The following AGBL4 variants were observed in gnomAD, a reference collection of about 807,000 sequenced individuals.
The protein encoded by AGBL4 is AGBL carboxypeptidase 4.
In AGBL4, 58 loss-of-function variants were observed where a neutral mutation model predicts 66.4. The observed-to-expected ratio is 0.87, with a 90% CI of 0.71 to 1.09. The LOEUF (loss-of-function observed/expected upper bound fraction) is 1.09, where lower values mean the gene tolerates loss of function less well. Among genes scored for constraint, AGBL4 ranks in the 50% least tolerant of loss-of-function variants. AGBL4 has a pLI of 0.00. For missense variants in AGBL4, 579 were observed against 631.0 expected (o/e 0.92, Z 0.88); for synonymous variants, 234 against 222.9 (o/e 1.05, Z -0.44).
At chr1:48,801,078 A>AGG (rs1645795433) in intron 6 of AGBL4, among the ~76,000 whole-genome samples, 1 of 152,098 alleles carries the variant, frequency 6.6e-6, no homozygotes, top group South Asian at 2.1e-4. Flanking sequence ...TGCATCATAC[A>AGG]GGTTTCCAGG....
chr1:49,639,399 G>T (rs559354974), intron 3 of AGBL4, among the ~76,000 whole-genome samples: 1 of 152,096 alleles, frequency 6.6e-6, no homozygotes, highest in Admixed American at 6.6e-5. Flanking sequence ...ACTTGATAAG[G>T]GAAATAGAAA....
chr1:48,921,121 A>G (rs72895624), intron 5 of AGBL4, among the ~76,000 whole-genome samples: 16,014 of 152,242 alleles, frequency 0.11, 945 homozygotes, highest in African/African-American at 0.12. Flanking sequence ...ATCAATTTAC[A>G]GCGAGATGAC....
intron 3 of AGBL4, among the ~76,000 whole-genome samples, chr1:49,377,997 TGTCTCCC>T (rs1222473944): frequency 6.9e-6 from 1 of 145,246 alleles, no homozygotes; most frequent in African/African-American, 2.8e-5. Flanking sequence ...CTTCATGCCT[TGTCTCCC>T]AACACAAACT....
chr1:49,985,074 T>C (rs964330242), intron 1 of AGBL4, among the ~76,000 whole-genome samples: 1 of 152,076 alleles, frequency 6.6e-6, no homozygotes, highest in African/African-American at 2.4e-5. Context: ...TTGGGAGAAA[T>C]ATGTTATAGA....
At chr1:49,921,091 G>A (rs919894464) in intron 1 of AGBL4, among the ~76,000 whole-genome samples, 1 of 152,144 alleles carries the variant, frequency 6.6e-6, no homozygotes, top group African/African-American at 2.4e-5. Context: ...GGCCTGTCGT[G>A]GGGTGGGAGT....
intron 3 of AGBL4, among the ~76,000 whole-genome samples, chr1:49,692,546 G>A (rs1453331357): frequency 2.0e-5 from 3 of 151,972 alleles, no homozygotes; most frequent in South Asian, 2.1e-4. Context: ...GTGAAACCCC[G>A]ACTCTACTAA....
intron 1 of AGBL4, among the ~76,000 whole-genome samples, chr1:49,980,882 T>A (rs1198675252): frequency 2.6e-5 from 4 of 152,244 alleles, no homozygotes; most frequent in Non-Finnish European, 5.9e-5. Flanking sequence ...GCATATTAAC[T>A]GCTCAAAGAT....
At chr1:49,814,655 A>T (rs1645187616) in intron 2 of AGBL4, among the ~76,000 whole-genome samples, 1 of 152,140 alleles carries the variant, frequency 6.6e-6, no homozygotes, top group African/African-American at 2.4e-5. Context: ...TGTCAAGTAT[A>T]TCTTTTCCTG....
chr1:49,306,463 T>C (rs1273937424), intron 3 of AGBL4, among the ~76,000 whole-genome samples: 1 of 152,238 alleles, frequency 6.6e-6, no homozygotes, highest in Non-Finnish European at 1.5e-5. Context: ...TTATTCTTTC[T>C]CTTCAATAAG....
intron 4 of AGBL4, among the ~76,000 whole-genome samples, chr1:49,136,275 G>T (rs904875181): frequency 2.0e-5 from 3 of 152,102 alleles, no homozygotes; most frequent in African/African-American, 7.2e-5. Flanking sequence ...CTAGGTGCTG[G>T]TCATTTCACT....
chr1:48,788,569 A>G (rs1275670339), intron 6 of AGBL4, among the ~76,000 whole-genome samples: 2 of 152,226 alleles, frequency 1.3e-5, no homozygotes, highest in Non-Finnish European at 2.9e-5. Flanking sequence ...TGGCTTCAGA[A>G]TTGTGAAACA....
chr1:48,743,714 C>A (rs750938836), intron 6 of AGBL4, among the ~76,000 whole-genome samples: 2 of 152,216 alleles, frequency 1.3e-5, no homozygotes, highest in Non-Finnish European at 2.9e-5. Context: ...CCAGCCTTCT[C>A]TTATCCTAGC....
intron 2 of AGBL4, among the ~76,000 whole-genome samples, chr1:49,792,487 A>G (rs999356776): frequency 2.6e-5 from 4 of 152,074 alleles, no homozygotes; most frequent in Non-Finnish European, 5.9e-5. Context: ...ATGAAAAGTA[A>G]CAGAATGATT....
chr1:49,832,309 C>G (rs1474857637), intron 2 of AGBL4, among the ~76,000 whole-genome samples: 52 of 151,078 alleles, frequency 3.4e-4, no homozygotes, highest in Non-Finnish European at 5.5e-4. Flanking sequence ...ATCCATGTCC[C>G]TACAAAGGAC....
chr1:48,998,319 G>A (rs1661164966), intron 5 of AGBL4, among the ~76,000 whole-genome samples: 1 of 152,128 alleles, frequency 6.6e-6, no homozygotes, highest in Admixed American at 6.6e-5. Context: ...CACAAAAAGA[G>A]CCAAATGAAA....
chr1:49,887,164 A>G (rs1429304352), intron 1 of AGBL4, among the ~76,000 whole-genome samples: 2 of 126,846 alleles, frequency 1.6e-5, no homozygotes, highest in African/African-American at 2.7e-5. Flanking sequence ...CATTGTGTGT[A>G]TATATATACA....
chr1:48,941,474 T>A (rs1655968732), intron 5 of AGBL4, among the ~76,000 whole-genome samples: 1 of 152,200 alleles, frequency 6.6e-6, no homozygotes, highest in Non-Finnish European at 1.5e-5. Flanking sequence ...AGCCTAGAAG[T>A]AGTTCCCAGG....
At chr1:49,965,823 T>C (rs894849379) in intron 1 of AGBL4, among the ~76,000 whole-genome samples, 1 of 152,098 alleles carries the variant, frequency 6.6e-6, no homozygotes, top group Admixed American at 6.6e-5. Context: ...CTACAATAAA[T>C]AATTTTATTA....
In AGBL4 at chr1:49,472,421, G is replaced by A. The variant is rs944381210; in HGVS notation, c.282+224892C>T. Among the ~76,000 whole-genome samples, 43 of 151,886 alleles carry A rather than the reference G, an allele frequency of 2.8e-4. 1 individual carries two copies. The highest frequency in any genetic ancestry group is 7.2e-4 in the Admixed American group (11 of 15,238). ...GTAGCCATCATCAAAATGCTTTATC[G>A]AGCAAATATAAACAAGCTTGAAACA... On this transcript the variant is annotated intron_variant, in intron 3 of 13. Transcript: ENST00000371839.
Sources: gnomAD v4.1 joint callset for allele counts (sites outside exome capture counted in the v4.1 genomes callset) on GRCh38, gnomAD v4.1.1 for gene constraint, MANE v1.5 for transcripts, NCBI Gene and HGNC (gene_info 2026-07-23, HGNC 2026-07-21) for gene names.